Variants in GALNT6 observed in about 807,000 individuals in gnomAD.
GALNT6 encodes GalNAc transferase 6.
In GALNT6, 51 loss-of-function variants were observed where a neutral mutation model predicts 65.9. The observed-to-expected ratio is 0.77, with a 90% confidence interval of 0.62 to 0.98. The LOEUF (loss-of-function observed/expected upper bound fraction) is 0.98, where lower values mean the gene tolerates loss of function less well. Among genes scored for constraint, GALNT6 ranks in the 50% least tolerant of loss-of-function variants. GALNT6 has a pLI of 0.00. For missense variants in GALNT6, 708 were observed against 803.3 expected, an observed-to-expected ratio of 0.88 and a Z score of 1.43; for synonymous variants, 323 against 315.1, an observed-to-expected ratio of 1.02 and a Z score of -0.26.
chr12:51,358,190 G>T lies in GALNT6; in HGVS notation c.1440C>A (p.Tyr480Ter). 6.2e-7 allele frequency: 1 copy of T among 1,613,970 alleles called. No homozygotes were observed. Among genetic ancestry groups the T allele is most frequent in the East Asian group, 2.2e-5 (1 of 44,882 alleles). The change falls in exon 9 of 12, where the codon TAC becomes TAA. Residue 480 changes from tyrosine (Y) to a stop codon, truncating the protein, a stop_gained. Coordinates refer to ENST00000356317, the MANE Select transcript of GALNT6 (RefSeq NM_007210.4). LOFTEE classifies it high-confidence loss of function. ...EQLHCHNFSW[Y>*]LHNVYPEMFV... ...ACATCTCTGGGTAGACATTGTGCAG[G>T]TACCAGGAAAAGTTGTGACAGTGCA... is the stretch of plus-strand genomic sequence containing the variant.
intron 6 of GALNT6, among the ~76,000 whole-genome samples, chr12:51,362,419 A>T (rs1946952403): frequency 6.6e-6 from 1 of 152,210 alleles, no homozygotes; most frequent in African/African-American, 2.4e-5. Context: ...GGGGACTGTC[A>T]GCAGTCCTCC....
intron 2 of GALNT6, among the ~76,000 whole-genome samples, chr12:51,383,121 A>C (rs1301698665): frequency 6.6e-6 from 1 of 152,248 alleles, no homozygotes; most frequent in Non-Finnish European, 1.5e-5. Context: ...TGAGAGAGGT[A>C]GAGTTCCCTG....
chr12:51,377,880 C>G (rs761829464), intron 3 of GALNT6, among the ~76,000 whole-genome samples: 3 of 152,196 alleles, frequency 2.0e-5, no homozygotes, highest in Non-Finnish European at 2.9e-5. Flanking sequence ...CTCATTAACT[C>G]CCTGTGATTT....
Position 51,353,573 on chromosome 12 carries a change from T to C in GALNT6, c.*806A>G, listed in dbSNP as rs553092806. ...TTAGTAGAGATGGAGTTTCACCATG[T>C]AGTCCAGGCTGGTTTCAAACTTCTG... On this transcript the variant is annotated 3_prime_UTR_variant, in exon 12 of 12. Coordinates refer to ENST00000356317, the MANE Select transcript of GALNT6 (RefSeq NM_007210.4). 1 of 152,234 alleles carries C rather than the reference T, an allele frequency of 6.6e-6. No homozygotes were observed. The highest frequency in any genetic ancestry group is 6.5e-5 in the Admixed American group (1 of 15,282). The allele number at this position is 152,234 out of a possible 1,614,324, so 9.4% of individuals were successfully genotyped here.
chr12:51,361,288 C>T (rs1014108023), intron 6 of GALNT6, among the ~76,000 whole-genome samples: 1 of 152,226 alleles, frequency 6.6e-6, no homozygotes, highest in Non-Finnish European at 1.5e-5. Flanking sequence ...TGAAAATAGG[C>T]AGGATTCAAA....
intron 2 of GALNT6, among the ~76,000 whole-genome samples, chr12:51,380,991 C>G (rs1947652128): frequency 6.6e-6 from 1 of 152,112 alleles, no homozygotes; most frequent in Non-Finnish European, 1.5e-5. Context: ...GTAATCCCAG[C>G]ACTTTGGGAG....
intron 2 of GALNT6, among the ~76,000 whole-genome samples, chr12:51,386,206 G>C (rs957069136): frequency 6.6e-6 from 1 of 152,210 alleles, no homozygotes; most frequent in African/African-American, 2.4e-5. Flanking sequence ...GGCCAGAATG[G>C]TTAGGTGACT....
chr12:51,374,933 T>C lies in GALNT6; in HGVS notation c.664+2262A>G, dbSNP rs73311610. Among the ~76,000 whole-genome samples, 494 of 152,302 alleles carry C rather than the reference T, an allele frequency of 3.2e-3. 4 individuals are homozygous for C. Among genetic ancestry groups the C allele is most frequent in the African/African-American group, 0.011 (471 of 41,554 alleles). On this transcript the variant is annotated intron_variant, in intron 4 of 11. Transcript: ENST00000356317. ...TTCTTACTTTCTAAATAAATGCTTT[T>C]AGCATGACATGAATGTCAATTCAAC... is the stretch of plus-strand genomic sequence containing the variant.
rs1320961199 is a variant in GALNT6 at position 51,387,793 on chromosome 12, A to G, written c.-104+3057T>C. Among the ~76,000 whole-genome samples, 2 of 152,074 alleles carry G rather than the reference A, an allele frequency of 1.3e-5. No homozygotes were observed. Among genetic ancestry groups the G allele is most frequent in the Non-Finnish European group, 2.9e-5 (2 of 68,002 alleles). ...AGTTGGGGGAAAGGACAGAGAAGGG[A>G]CAGGGAAGTGATGAGAAGGGTGGAA... On this transcript the variant is annotated intron_variant, in intron 2 of 11. Transcript: ENST00000356317. This position sits in a 1 kb window ranked among gnomAD's most constrained non-coding sequence, Gnocchi z 4.2.
At chr12:51,377,962 T>C (rs1180513265) in intron 3 of GALNT6, among the ~76,000 whole-genome samples, 2 of 152,228 alleles carry the variant, frequency 1.3e-5, no homozygotes, top group South Asian at 2.1e-4. Context: ...TCTGTGGCAC[T>C]TGGCCATGCT....
chr12:51,359,565 A>C, intron 7 of GALNT6: 1 of 422,838 alleles, frequency 2.4e-6, no homozygotes, highest in East Asian at 3.6e-5. Context: ...GGGAGACTGC[A>C]GGGTCCTGTG....
At chr12:51,371,054 AATTATT>A (rs66469959) in intron 4 of GALNT6, among the ~76,000 whole-genome samples, 30,131 of 143,944 alleles carry the variant, frequency 0.21, 3,328 homozygotes, top group African/African-American at 0.23. Context: ...CCTTTTAAAA[AATTATT>A]ATTATTATTA....
intron 6 of GALNT6, 76 bp from the exon 7 acceptor site, chr12:51,360,914 G>A (rs1245954650): frequency 1.1e-6 from 1 of 928,712 alleles, no homozygotes; most frequent in African/African-American, 1.6e-5. Flanking sequence ...AGCTGTTTGT[G>A]GACTCCCCTC....
intron 4 of GALNT6, among the ~76,000 whole-genome samples, chr12:51,370,422 C>A (rs866375153): frequency 7.9e-5 from 12 of 152,300 alleles, no homozygotes; most frequent in South Asian, 6.2e-4. Context: ...GTAATCCCAA[C>A]TACTCGGGAG....
At chr12:51,365,642 G>T in intron 4 of GALNT6, 63 bp from the exon 5 acceptor site, 3 of 1,539,618 alleles carry the variant, frequency 1.9e-6, no homozygotes, top group Non-Finnish European at 2.7e-6. Context: ...TCCCCTGTGG[G>T]CACCAAGCTA....
rs200186311 is a variant in GALNT6, at chr12:51,377,386, G to T, written c.492-19C>A. ...CACACACCTGGAAGTATGAAAGTAC[G>T]GACAAAGTTCTCCTGGTCCCTGGGA... On this transcript the variant is annotated intron_variant, in intron 3 of 11. Transcript: ENST00000356317. 6.2e-7 allele frequency: 1 copy of T among 1,610,610 alleles called. No individual in the cohort carries two copies. The highest frequency in any genetic ancestry group is 8.5e-7 in the Non-Finnish European group (1 of 1,179,010).
intron 8 of GALNT6, 95 bp from the exon 9 acceptor site, chr12:51,358,356 A>G (rs907490475): frequency 2.1e-6 from 3 of 1,421,758 alleles, no homozygotes; most frequent in Non-Finnish European, 2.9e-6. Flanking sequence ...GCTGGAGTGC[A>G]GTGGTGCAAT....
Position 51,354,357 on chromosome 12 carries a change from C to T in GALNT6, c.*22G>A. On this transcript the variant is annotated 3_prime_UTR_variant, in exon 12 of 12. Transcript: ENST00000356317. ...GTTTCCTGAGGAGCTTGTGGGGGCT[C>T]TCTCTGGGGATGATCTGGGTCCTAG... The T allele has an allele frequency of 7.7e-7, 1 of 1,302,550 alleles. No individual in the cohort carries two copies. The highest frequency in any genetic ancestry group is 1.1e-6 in the Non-Finnish European group (1 of 945,372). The allele number at this position is 1,302,550 out of a possible 1,614,324, so 80.7% of individuals were successfully genotyped here.
chr12:51,359,314 G>T lies in GALNT6; in HGVS notation c.1186C>A (p.Gln396Lys), dbSNP rs1345438563. 6.2e-7 allele frequency: 1 copy of T among 1,611,562 alleles called. No individual in the cohort carries two copies. Among genetic ancestry groups the T allele is most frequent in the Admixed American group, 1.7e-5 (1 of 59,912 alleles). The change falls in exon 8 of 12, where the codon CAG (glutamine) becomes AAG (lysine). Residue 396 changes from glutamine to lysine, a missense_variant. Coordinates refer to ENST00000356317, the MANE Select transcript of GALNT6 (RefSeq NM_007210.4). ...MSFRVWQCGG[Q>K]LEIIPCSVVG... ...ACAGAGCAGGGGATGATCTCCAGCT[G>T]GCCCCCACACTGCCACACCTGATGT... is the stretch of plus-strand genomic sequence containing the variant.
Sources: gnomAD v4.1 joint callset for allele counts (sites outside exome capture counted in the v4.1 genomes callset) on GRCh38, gnomAD v4.1.1 for gene constraint, Gnocchi (gnomAD v3.1) non-coding constraint, MANE v1.5 for transcripts, NCBI Gene and HGNC (gene_info 2026-07-23, HGNC 2026-07-21) for gene names.